ARHGAP5: variants seen among roughly 807,000 people sequenced by gnomAD.
ARHGAP5 encodes Rho GTPase activating protein 5, also known as rho GTPase-activating protein 5.
ARHGAP5 carries 23 observed loss-of-function variants against 116.6 expected under a neutral mutation model. That is an observed-to-expected ratio of 0.20 (90% CI 0.14 to 0.28). ARHGAP5 has a LOEUF of 0.28. Among genes scored for constraint, ARHGAP5 ranks in the 10% least tolerant of loss-of-function variants. ARHGAP5 has a pLI of 1.00. For missense variants in ARHGAP5, 1,405 were observed against 1,774.8 expected (o/e 0.79, Z 3.74); for synonymous variants, 574 against 602.0 (o/e 0.95, Z 0.68).
chr14:32,085,038 C>T (rs148521424), intron 1 of ARHGAP5, among the ~76,000 whole-genome samples: 203 of 147,816 alleles, frequency 1.4e-3, no homozygotes, highest in African/African-American at 4.6e-3. Context: ...ATATGAGTTA[C>T]TCTCCTACAG....
intron 1 of ARHGAP5, among the ~76,000 whole-genome samples, chr14:32,086,202 G>A (rs2041828124): frequency 1.3e-5 from 2 of 152,174 alleles, no homozygotes; most frequent in South Asian, 2.1e-4. Context: ...TTAGCATGTT[G>A]TCTTCCTCCA....
At chr14:32,129,244 T>G (rs1880351538) in intron 3 of ARHGAP5, among the ~76,000 whole-genome samples, 1 of 152,222 alleles carries the variant, frequency 6.6e-6, no homozygotes, top group Non-Finnish European at 1.5e-5. Context: ...GACATATTAT[T>G]GGCTACTTGT....
chr14:32,142,844 A>C (rs891161123), intron 3 of ARHGAP5, among the ~76,000 whole-genome samples: 2 of 152,022 alleles, frequency 1.3e-5, no homozygotes, highest in Non-Finnish European at 2.9e-5. Flanking sequence ...GTTGATTCTG[A>C]CCCTTCTGGC....
intron 2 of ARHGAP5, among the ~76,000 whole-genome samples, chr14:32,096,111 G>A (rs945138259): frequency 1.3e-5 from 2 of 150,802 alleles, no homozygotes; most frequent in Admixed American, 6.6e-5. Context: ...GCGTGCGCAC[G>A]TGTGTGTGTG....
intron 1 of ARHGAP5, 108 bp downstream of exon 1, chr14:32,077,543 T>C: frequency 3.3e-6 from 2 of 607,692 alleles, no homozygotes; most frequent in Non-Finnish European, 5.9e-6. Context: ...TTGTAACCAG[T>C]TGAAGGGGCT....
intron 2 of ARHGAP5, among the ~76,000 whole-genome samples, chr14:32,116,003 A>AT (rs951440801): frequency 2.6e-5 from 4 of 151,034 alleles, no homozygotes; most frequent in African/African-American, 9.8e-5. Flanking sequence ...TAAAAAAAAA[A>AT]GCTACTGGGC....
chr14:32,094,845 C>G (rs751462047), intron 2 of ARHGAP5, among the ~76,000 whole-genome samples: 1 of 152,186 alleles, frequency 6.6e-6, no homozygotes, highest in Non-Finnish European at 1.5e-5. Flanking sequence ...TGGTGGTATA[C>G]TACCTGAAGG....
At chr14:32,106,951 A>G (rs1244975365) in intron 2 of ARHGAP5, among the ~76,000 whole-genome samples, 1 of 152,168 alleles carries the variant, frequency 6.6e-6, no homozygotes, top group Non-Finnish European at 1.5e-5. Context: ...ACTTCTGAAA[A>G]TGTCCCTGAC....
At chr14:32,123,130 G>C (rs992007866) in intron 3 of ARHGAP5, among the ~76,000 whole-genome samples, 3 of 151,582 alleles carry the variant, frequency 2.0e-5, no homozygotes, top group African/African-American at 7.3e-5. Context: ...ATTCTCTCTA[G>C]TTTTCAGCAA....
At chr14:32,126,905 C>A (rs926905801) in intron 3 of ARHGAP5, among the ~76,000 whole-genome samples, 2 of 151,500 alleles carry the variant, frequency 1.3e-5, no homozygotes, top group Non-Finnish European at 2.9e-5. Flanking sequence ...GTACTTAATA[C>A]CACTGAAGTG....
At chr14:32,102,141 A>AT (rs1878820741) in intron 2 of ARHGAP5, among the ~76,000 whole-genome samples, 1 of 152,204 alleles carries the variant, frequency 6.6e-6, no homozygotes, top group Non-Finnish European at 1.5e-5. Context: ...ACCTTGCTTA[A>AT]TTTCTTCAGA....
intron 4 of ARHGAP5, among the ~76,000 whole-genome samples, chr14:32,148,163 A>AATCTATCT (rs71441707): frequency 0.23 from 34,009 of 147,342 alleles, 4,112 homozygotes; most frequent in East Asian, 0.29. Context: ...AAAAAAAAGA[A>AATCTATCT]ATCTATCTAT....
intron 1 of ARHGAP5, among the ~76,000 whole-genome samples, chr14:32,087,906 C>T (rs1351898976): frequency 6.6e-6 from 1 of 151,992 alleles, no homozygotes; most frequent in African/African-American, 2.4e-5. Flanking sequence ...AGTTTTATTT[C>T]TGTCAAAAAG....
At chr14:32,098,801 A>G (rs12050150) in intron 2 of ARHGAP5, among the ~76,000 whole-genome samples, 24,506 of 152,270 alleles carry the variant, frequency 0.16, 2,179 homozygotes, top group East Asian at 0.29. Context: ...AGAGAGTAGT[A>G]TAAGGAGAGA....
chr14:32,116,148 G>C (rs1043338261), intron 2 of ARHGAP5, among the ~76,000 whole-genome samples: 9 of 151,148 alleles, frequency 6.0e-5, no homozygotes, highest in African/African-American at 1.5e-4. Context: ...TTAGCTGGGC[G>C]TGGTGGCGGG....
At chr14:32,147,051 T>A (rs750295314) in intron 4 of ARHGAP5, among the ~76,000 whole-genome samples, 4 of 152,202 alleles carry the variant, frequency 2.6e-5, no homozygotes, top group Non-Finnish European at 5.9e-5. Context: ...AAAGCAGTAA[T>A]TTGACTTATG....
At chr14:32,141,160 G>A (rs1164271193) in intron 3 of ARHGAP5, among the ~76,000 whole-genome samples, 1 of 152,108 alleles carries the variant, frequency 6.6e-6, no homozygotes, top group East Asian at 1.9e-4. Context: ...TATATGGAAT[G>A]TACTTTTCTA....
rs150422866 is a variant in ARHGAP5, at chr14:32,142,453, T to C, written c.3866-3810T>C. On this transcript the variant is annotated intron_variant, in intron 3 of 6. Coordinates refer to ENST00000345122, the MANE Select transcript of ARHGAP5 (RefSeq NM_001030055.2). ...TTTAGAGACTTCTGTAAACTATTTT[T>C]GTGAAGTCTGTATTCTTTGCCATTT... Among the ~76,000 whole-genome samples, 24 of 152,372 alleles carry C rather than the reference T, an allele frequency of 1.6e-4. No homozygotes were observed. The East Asian group carries it at 4.4e-3, about 28-fold the overall frequency.
intron 3 of ARHGAP5, among the ~76,000 whole-genome samples, chr14:32,130,093 A>G (rs1880392868): frequency 6.6e-6 from 1 of 151,556 alleles, no homozygotes. Context: ...GTAATAAAAT[A>G]TATATGTAAT....
Sources: gnomAD v4.1 joint callset for allele counts (sites outside exome capture counted in the v4.1 genomes callset) on GRCh38, gnomAD v4.1.1 for gene constraint, MANE v1.5 for transcripts, NCBI Gene and HGNC (gene_info 2026-07-23, HGNC 2026-07-21) for gene names.